SOX6: variants seen among roughly 807,000 people sequenced by gnomAD.
The protein encoded by SOX6 is SRY-box transcription factor 6.
In SOX6, 11 loss-of-function variants were observed where a neutral mutation model predicts 97.8. That is an observed-to-expected ratio of 0.11 (90% CI 0.07 to 0.19). The LOEUF is 0.19. Ranked by LOEUF, SOX6 falls within the 10% of genes least tolerant of loss-of-function variation. The pLI, the probability that SOX6 is intolerant of heterozygous loss-of-function variation, is 1.00. For synonymous variants in SOX6, 360 were observed against 371.4 expected (o/e 0.97, Z 0.35); for missense variants, 810 against 1,039.5 (o/e 0.78, Z 3.04).
intron 4 of SOX6, among the ~76,000 whole-genome samples, chr11:16,562,286 G>A (rs1361580825): frequency 6.6e-6 from 1 of 152,080 alleles, no homozygotes; most frequent in Non-Finnish European, 1.5e-5. Context: ...AGGCTGGCTA[G>A]GAAACTCAGA....
chr11:16,028,737 G>A (rs767249621), intron 12 of SOX6, among the ~76,000 whole-genome samples: 36 of 152,152 alleles, frequency 2.4e-4, no homozygotes, highest in African/African-American at 4.8e-4. Flanking sequence ...CATATCGGCC[G>A]TTTGTCATCA....
intron 3 of SOX6, among the ~76,000 whole-genome samples, chr11:16,640,086 C>T (rs1848871643): frequency 6.6e-6 from 1 of 152,170 alleles, no homozygotes; most frequent in African/African-American, 2.4e-5. Flanking sequence ...TACGTCCCAT[C>T]AATACCTAAT....
intron 6 of SOX6, among the ~76,000 whole-genome samples, chr11:16,169,200 G>T (rs1044296787): frequency 2.0e-5 from 3 of 152,018 alleles, no homozygotes; most frequent in African/African-American, 4.8e-5. Flanking sequence ...TTCATTTATA[G>T]ATAATGCTTC....
At chr11:16,433,629 G>T (rs1046304400) in intron 1 of SOX6, among the ~76,000 whole-genome samples, 1 of 151,796 alleles carries the variant, frequency 6.6e-6, no homozygotes, top group Non-Finnish European at 1.5e-5. Context: ...CAAATTTTGG[G>T]GTTTTTGTTA....
chr11:16,631,623 C>G (rs577430090), intron 3 of SOX6, among the ~76,000 whole-genome samples: 1 of 152,176 alleles, frequency 6.6e-6, no homozygotes, highest in South Asian at 2.1e-4. Flanking sequence ...GGATGTCTAC[C>G]TCTCTAGCAA....
At chr11:16,715,144 G>A (rs374809953) in intron 2 of SOX6, among the ~76,000 whole-genome samples, 4 of 152,212 alleles carry the variant, frequency 2.6e-5, no homozygotes, top group South Asian at 2.1e-4. Context: ...TAGCCACATG[G>A]GGCTCTAAGG....
At position 16,341,102 on chromosome 11, in the gene SOX6, G is replaced by T; in HGVS notation, c.147C>A (p.Asn49Lys). The T allele has an allele frequency of 6.2e-7, 1 of 1,613,534 alleles. No homozygotes were observed. Among genetic ancestry groups the T allele is most frequent in the Non-Finnish European group, 8.5e-7 (1 of 1,179,578 alleles). ...SHLPLHPIMH[N>K]KPHSEELPTL... Reference sequence around the variant, plus strand: ...TTGGTAGCTCCTCAGAGTGAGGTTTGTTGTGCATTATGGGGTGCAGAGGCA... The same window carrying T: ...TTGGTAGCTCCTCAGAGTGAGGTTTTTTGTGCATTATGGGGTGCAGAGGCA... The change falls in exon 2 of 16, where the codon AAC becomes AAA. Residue 49 changes from asparagine to lysine, a missense_variant. This residue lies in a region of SOX6 where 100 missense variants were observed against 94.6 expected (regional missense o/e 1.06). Transcript: ENST00000683767.
intron 2 of SOX6, among the ~76,000 whole-genome samples, chr11:16,732,348 T>A (rs1371011881): frequency 3.9e-5 from 6 of 152,206 alleles, no homozygotes; most frequent in Non-Finnish European, 8.8e-5. Flanking sequence ...GCTACAAGGC[T>A]ACAGTAACCA....
chr11:16,708,139 A>G (rs539630258), intron 3 of SOX6, among the ~76,000 whole-genome samples: 2 of 152,306 alleles, frequency 1.3e-5, no homozygotes, highest in African/African-American at 4.8e-5. Context: ...TTTACCAAAT[A>G]TATTTCCTTT....
chr11:16,452,011 T>TAAATAAAA (rs766132129), intron 1 of SOX6, among the ~76,000 whole-genome samples: 3 of 147,572 alleles, frequency 2.0e-5, no homozygotes, highest in African/African-American at 7.6e-5. Context: ...AATAAATAAA[T>TAAATAAAA]AAAATAAAAT....
At chr11:16,080,088 A>G (rs1267536902) in intron 9 of SOX6, among the ~76,000 whole-genome samples, 1 of 151,132 alleles carries the variant, frequency 6.6e-6, no homozygotes, top group South Asian at 2.1e-4. Context: ...TTAAAGTATA[A>G]TTAAAAAAAA....
intron 3 of SOX6, among the ~76,000 whole-genome samples, chr11:16,687,689 C>T (rs1847979972): frequency 6.6e-6 from 1 of 152,010 alleles, no homozygotes; most frequent in African/African-American, 2.4e-5. Context: ...GTATTTCCAC[C>T]CTGCTTTATT....
intron 6 of SOX6, among the ~76,000 whole-genome samples, chr11:16,118,698 C>T (rs1849414567): frequency 6.6e-6 from 1 of 152,136 alleles, no homozygotes; most frequent in Non-Finnish European, 1.5e-5. Context: ...TGGCTATGTG[C>T]TAATATGCAA....
chr11:16,048,612 CAT>C (rs1278304145), intron 11 of SOX6, among the ~76,000 whole-genome samples: 5 of 152,144 alleles, frequency 3.3e-5, no homozygotes, highest in African/African-American at 1.2e-4. Flanking sequence ...CTATCTAACT[CAT>C]AAGATTATTG....
At chr11:16,396,352 T>C (rs1306689602) in intron 1 of SOX6, among the ~76,000 whole-genome samples, 2 of 151,710 alleles carry the variant, frequency 1.3e-5, no homozygotes, top group Admixed American at 6.6e-5. Context: ...TAGGACTAAA[T>C]AGTGCTCTGG....
At chr11:15,999,668 A>G (rs1270547301) in intron 13 of SOX6, among the ~76,000 whole-genome samples, 1 of 152,166 alleles carries the variant, frequency 6.6e-6, no homozygotes, top group Non-Finnish European at 1.5e-5. Context: ...TTGTGAACTC[A>G]AAGATAATCT....
At chr11:16,177,006 T>C (rs1034090315) in intron 6 of SOX6, among the ~76,000 whole-genome samples, 1 of 151,856 alleles carries the variant, frequency 6.6e-6, no homozygotes, top group Non-Finnish European at 1.5e-5. Context: ...ATCAGCAAAA[T>C]TTCAAAGACA....
At chr11:16,667,981 CTTGT>C (rs1380116224) in intron 3 of SOX6, among the ~76,000 whole-genome samples, 11 of 152,282 alleles carry the variant, frequency 7.2e-5, no homozygotes, top group East Asian at 1.9e-4. Context: ...TTTCTCTTTG[CTTGT>C]TTGTTTGCTT....
chr11:16,255,205 A>T (rs1367092273), intron 3 of SOX6, among the ~76,000 whole-genome samples: 1 of 152,082 alleles, frequency 6.6e-6, no homozygotes, highest in Non-Finnish European at 1.5e-5. Flanking sequence ...CAAGTTCAGC[A>T]GGTAGAAAAT....
Sources: gnomAD v4.1 joint callset for allele counts (sites outside exome capture counted in the v4.1 genomes callset) on GRCh38, gnomAD v4.1.1 for gene constraint, gnomAD v4.1.1 regional missense constraint, MANE v1.5 for transcripts, NCBI Gene and HGNC (gene_info 2026-07-23, HGNC 2026-07-21) for gene names.